Variants in CCDC192 observed in about 807,000 individuals in gnomAD.
CCDC192 encodes coiled-coil domain-containing protein 192.
chr5:127,751,416 T>G (rs1754163001), intron 2 of CCDC192, among the ~76,000 whole-genome samples: 1 of 152,100 alleles, frequency 6.6e-6, no homozygotes, highest in Admixed American at 6.5e-5. Flanking sequence ...TGAAAATTCT[T>G]TTCTTTAAGA....
intron 6 of CCDC192, chr5:127,940,784 T>C (rs756641720): frequency 6.4e-6 from 1 of 156,212 alleles, no homozygotes; most frequent in African/African-American, 2.4e-5. Flanking sequence ...AGAATTCAAA[T>C]CAAAGCATAA....
chr5:127,805,957 C>T (rs1394754052), intron 5 of CCDC192, among the ~76,000 whole-genome samples: 3 of 152,084 alleles, frequency 2.0e-5, no homozygotes, highest in Admixed American at 6.5e-5. Flanking sequence ...CTTCTCTGTG[C>T]GCTCAGAAGA....
At chr5:127,711,794 G>C (rs2126780666) in intron 2 of CCDC192, among the ~76,000 whole-genome samples, 1 of 152,240 alleles carries the variant, frequency 6.6e-6, no homozygotes, top group East Asian at 1.9e-4. Context: ...ATTTGTTGCT[G>C]TTCTGGGAAA....
At position 127,734,995 on chromosome 5, in the gene CCDC192, C is replaced by T. The variant is rs1412693090; in HGVS notation, c.115-19273C>T. 5.0e-5 allele frequency among the ~76,000 whole-genome samples: 7 copies of T among 140,562 alleles called. No individual in the cohort carries two copies. The East Asian group carries it at 1.3e-3, about 25-fold the overall frequency. The allele number at this position is 140,562 out of a possible 152,430, so 92.2% of individuals were successfully genotyped here. On this transcript the variant is annotated intron_variant, in intron 2 of 6. Coordinates refer to ENST00000514853, the MANE Select transcript of CCDC192 (RefSeq NM_001317938.2). ...GCTTTTGGTGTTTTAGACATGAAGT[C>T]CTTGCCCATGCCTATGTCCTGAATG...
At chr5:127,737,250 T>G (rs1753072103) in intron 2 of CCDC192, among the ~76,000 whole-genome samples, 1 of 152,180 alleles carries the variant, frequency 6.6e-6, no homozygotes. Context: ...TTTAGTGAGA[T>G]TCTTAATCCT....
rs538231336 is a variant in CCDC192, at chr5:127,932,790, C to T, written c.536-8392C>T. Among the ~76,000 whole-genome samples the T allele has an allele frequency of 1.0e-3, 159 of 152,152 alleles. 2 individuals carry two copies. The highest frequency in any genetic ancestry group is 2.9e-3 in the African/African-American group (120 of 41,482). ...CTGCTTTCATGGAGCTTTCATTCCA[C>T]GAGGGGAGAGTGACTGCAAACAAGA... On this transcript the variant is annotated intron_variant, in intron 6 of 6. Transcript: ENST00000514853.
chr5:127,913,448 A>C (rs1753432236), intron 6 of CCDC192, among the ~76,000 whole-genome samples: 2 of 152,236 alleles, frequency 1.3e-5, no homozygotes, highest in South Asian at 4.1e-4. Flanking sequence ...AAGAGAAAGA[A>C]AATATCCTGA....
intron 5 of CCDC192, among the ~76,000 whole-genome samples, chr5:127,848,181 C>T: frequency 6.6e-6 from 1 of 152,112 alleles, no homozygotes; most frequent in Non-Finnish European, 1.5e-5. Flanking sequence ...CTTATGGTTG[C>T]AGTCTGTGAA....
chr5:127,876,752 G>A (rs1056788019), intron 6 of CCDC192, among the ~76,000 whole-genome samples: 2 of 152,158 alleles, frequency 1.3e-5, no homozygotes. Flanking sequence ...GGAAGCAGGC[G>A]ATGTGGTAGT....
At chr5:127,922,902 T>C (rs1753761137) in intron 6 of CCDC192, among the ~76,000 whole-genome samples, 1 of 152,236 alleles carries the variant, frequency 6.6e-6, no homozygotes, top group South Asian at 2.1e-4. Context: ...CCTGTTTTTC[T>C]GTAGTAAATA....
chr5:127,750,790 G>A (rs1490457331), intron 2 of CCDC192, among the ~76,000 whole-genome samples: 1 of 150,334 alleles, frequency 6.7e-6, no homozygotes, highest in Admixed American at 6.6e-5. Context: ...TTATGAATCT[G>A]GGTGCTCCTG....
At chr5:127,830,268 G>C (rs918895108) in intron 5 of CCDC192, among the ~76,000 whole-genome samples, 1 of 152,156 alleles carries the variant, frequency 6.6e-6, no homozygotes, top group African/African-American at 2.4e-5. Context: ...AGGCTTCTAA[G>C]ATCAGTGGTT....
At chr5:127,853,259 G>A (rs1750884482) in intron 5 of CCDC192, among the ~76,000 whole-genome samples, 1 of 152,110 alleles carries the variant, frequency 6.6e-6, no homozygotes, top group African/African-American at 2.4e-5. Flanking sequence ...TACCCAGAAT[G>A]GGATCCTCAG....
chr5:127,849,557 T>C (rs148298261), intron 5 of CCDC192, among the ~76,000 whole-genome samples: 81 of 152,288 alleles, frequency 5.3e-4, no homozygotes, highest in Admixed American at 1.0e-3. Context: ...CTCCACTGCC[T>C]ACAAGTACCT....
At chr5:127,736,589 C>T (rs1328640063) in intron 2 of CCDC192, among the ~76,000 whole-genome samples, 1 of 151,764 alleles carries the variant, frequency 6.6e-6, no homozygotes, top group South Asian at 2.1e-4. Flanking sequence ...AGCTATTGAT[C>T]ATTGCCACAA....
chr5:127,703,224 T>A (rs913584680), upstream of CCDC192, among the ~76,000 whole-genome samples: 3 of 152,250 alleles, frequency 2.0e-5, no homozygotes, highest in Non-Finnish European at 4.4e-5. Flanking sequence ...ATTCTTCACC[T>A]ATTCTCATGC....
At chr5:127,735,560 G>A (rs1580556759) in intron 2 of CCDC192, among the ~76,000 whole-genome samples, 1 of 82,144 alleles carries the variant, frequency 1.2e-5, no homozygotes, top group Admixed American at 1.4e-4. Flanking sequence ...CTACCCATGA[G>A]CATGGAATGT....
intron 1 of CCDC192, among the ~76,000 whole-genome samples, chr5:127,704,456 G>A (rs560736538): frequency 4.6e-5 from 7 of 152,308 alleles, no homozygotes; most frequent in African/African-American, 1.7e-4. Flanking sequence ...CCAAAGTGCT[G>A]GGATTATAGG....
intron 5 of CCDC192, among the ~76,000 whole-genome samples, chr5:127,865,204 C>T (rs1751558027): frequency 6.6e-6 from 1 of 152,002 alleles, no homozygotes; most frequent in African/African-American, 2.4e-5. Flanking sequence ...GTCTCTCCAC[C>T]TATGAAACAT....
Sources: gnomAD v4.1 joint callset for allele counts (sites outside exome capture counted in the v4.1 genomes callset) on GRCh38, gnomAD v4.1.1 for gene constraint, MANE v1.5 for transcripts, NCBI Gene and HGNC (gene_info 2026-07-23, HGNC 2026-07-21) for gene names.